ENTREP1: variants seen among roughly 807,000 people sequenced by gnomAD.
ENTREP1 encodes endosomal transmembrane epsin interactor 1.
At chr9:69,389,466 T>C in the ENTREP1 span, among the ~76,000 whole-genome samples, 469 of 152,282 alleles carry the variant, frequency 3.1e-3, 2 homozygotes, top group African/African-American at 0.011. Context: ...CGGGGAGGAA[T>C]GATCTGATTA....
the ENTREP1 span, among the ~76,000 whole-genome samples, chr9:69,390,921 A>T: frequency 6.6e-6 from 1 of 150,876 alleles, no homozygotes; most frequent in African/African-American, 2.4e-5. Flanking sequence ...GACTACAGGC[A>T]TGAACCACCA....
At chr9:69,325,245 C>T in the ENTREP1 span, 25 of 1,087,552 alleles carry the variant, frequency 2.3e-5, no homozygotes, top group African/African-American at 5.2e-5. Flanking sequence ...TTCGGCTCGG[C>T]TCCGCTCCGC....
the ENTREP1 span, among the ~76,000 whole-genome samples, chr9:69,339,540 A>C: frequency 6.6e-6 from 1 of 152,000 alleles, no homozygotes; most frequent in African/African-American, 2.4e-5. Flanking sequence ...CCCTTAATGG[A>C]TATTTTTTCT....
At chr9:69,363,717 C>T in the ENTREP1 span, among the ~76,000 whole-genome samples, 1 of 152,184 alleles carries the variant, frequency 6.6e-6, no homozygotes. Flanking sequence ...TCACTCTCTT[C>T]CCTCCCTGTG....
the ENTREP1 span, among the ~76,000 whole-genome samples, chr9:69,353,147 A>G: frequency 6.6e-6 from 1 of 152,200 alleles, no homozygotes; most frequent in South Asian, 2.1e-4. Context: ...TAAGAAAAAT[A>G]AAAGTAGAAG....
the ENTREP1 span, among the ~76,000 whole-genome samples, chr9:69,353,241 G>A: frequency 1.9e-4 from 29 of 152,290 alleles, no homozygotes; most frequent in Admixed American, 1.5e-3. Flanking sequence ...ACTCGCTGGT[G>A]GACAAATGCT....
At chr9:69,381,725 A>G in the ENTREP1 span, 1 of 152,248 alleles carries the variant, frequency 6.6e-6, no homozygotes, top group African/African-American at 2.4e-5. Context: ...GACCCTTGTT[A>G]ACACAAATGA....
the ENTREP1 span, among the ~76,000 whole-genome samples, chr9:69,365,163 A>G: frequency 6.6e-6 from 1 of 152,192 alleles, no homozygotes; most frequent in Non-Finnish European, 1.5e-5. Flanking sequence ...AATTTGAATA[A>G]TGCATGTAAC....
At chr9:69,373,380 A>G in the ENTREP1 span, among the ~76,000 whole-genome samples, 13 of 152,104 alleles carry the variant, frequency 8.5e-5, no homozygotes, top group African/African-American at 2.9e-4. Context: ...TGTCACCCCA[A>G]ATCCTTAGTA....
At chr9:69,376,283 G>A in the ENTREP1 span, among the ~76,000 whole-genome samples, 2 of 152,146 alleles carry the variant, frequency 1.3e-5, no homozygotes, top group African/African-American at 2.4e-5. Flanking sequence ...GCTTACATGG[G>A]TCATATGGGC....
At chr9:69,369,028 T>G in the ENTREP1 span, among the ~76,000 whole-genome samples, 1 of 152,236 alleles carries the variant, frequency 6.6e-6, no homozygotes, top group African/African-American at 2.4e-5. Flanking sequence ...TTCCTCCCTG[T>G]GTCCATGTGT....
chr9:69,352,964 C>T, the ENTREP1 span, among the ~76,000 whole-genome samples: 9 of 152,132 alleles, frequency 5.9e-5, no homozygotes, highest in Non-Finnish European at 1.3e-4. Flanking sequence ...AGCTAGACCC[C>T]CATCTCTACA....
chr9:69,384,564 T>C, the ENTREP1 span, among the ~76,000 whole-genome samples: 2 of 152,208 alleles, frequency 1.3e-5, no homozygotes, highest in African/African-American at 4.8e-5. Flanking sequence ...ATTTATAACC[T>C]AGGGCCCAGG....
chr9:69,376,083 C>G, the ENTREP1 span, among the ~76,000 whole-genome samples: 3 of 152,208 alleles, frequency 2.0e-5, no homozygotes, highest in African/African-American at 7.2e-5. Flanking sequence ...TGTTGAAGAA[C>G]TGTAAGATAG....
the ENTREP1 span, among the ~76,000 whole-genome samples, chr9:69,388,734 C>T: frequency 5.9e-5 from 9 of 152,268 alleles, no homozygotes; most frequent in Admixed American, 1.3e-4. Flanking sequence ...GGAATAAAAG[C>T]GGAGGATGTG....
the ENTREP1 span, chr9:69,383,328 TC>T: frequency 9.6e-7 from 1 of 1,037,000 alleles, no homozygotes; most frequent in South Asian, 2.7e-5. Flanking sequence ...CATTCCCTTC[TC>T]CCCCATCCCC....
chr9:69,392,227 C>T, the ENTREP1 span: 2 of 195,890 alleles, frequency 1.0e-5, no homozygotes, highest in Non-Finnish European at 2.1e-5. Context: ...CACTGCTCTG[C>T]GATTTGGCAG....
At chr9:69,386,013 G>A in the ENTREP1 span, 1 of 1,484,440 alleles carries the variant, frequency 6.7e-7, no homozygotes, top group South Asian at 1.4e-5. Context: ...CCAGGTGAAG[G>A]CAGGTGGCTC....
chr9:69,377,354 T>C, the ENTREP1 span: 1 of 1,501,296 alleles, frequency 6.7e-7, no homozygotes, highest in Non-Finnish European at 9.3e-7. Flanking sequence ...GTGGTGCCAT[T>C]GTTTCCTTGC....
Sources: allele counts gnomAD v4.1 joint callset (sites outside exome capture counted in the v4.1 genomes callset), GRCh38; gene constraint gnomAD v4.1.1; transcripts MANE v1.5; gene names NCBI Gene and HGNC (gene_info 2026-07-23, HGNC 2026-07-21).